LAMA1: variants seen among roughly 807,000 people sequenced by gnomAD.
LAMA1 encodes laminin subunit alpha-1.
A neutral mutation model predicts 348.7 loss-of-function variants in LAMA1; 219 were observed. The ratio of observed to expected loss-of-function variants is 0.63; its 90% CI spans 0.56 to 0.70. The LOEUF is 0.70. Among genes scored for constraint, LAMA1 ranks in the 30% least tolerant of loss-of-function variants. The pLI, the probability that LAMA1 is intolerant of heterozygous loss-of-function variation, is 0.00. For synonymous variants in LAMA1, 1,487 were observed against 1,491.0 expected, an observed-to-expected ratio of 1.00 and a Z score of 0.06; for missense variants, 3,744 against 3,888.0, an observed-to-expected ratio of 0.96 and a Z score of 0.99.
intron 19 of LAMA1, among the ~76,000 whole-genome samples, chr18:7,018,685 G>A (rs902862757): frequency 2.6e-5 from 4 of 152,120 alleles, no homozygotes; most frequent in African/African-American, 7.2e-5. Flanking sequence ...GTGAGCCACC[G>A]CGCCGGGCCC....
chr18:7,032,328 A>G lies in LAMA1; in HGVS notation c.2164-152T>C. 5.8e-6 allele frequency: 4 copies of G among 695,554 alleles called. 1 individual carries two copies. Among genetic ancestry groups the G allele is most frequent in the Non-Finnish European group, 1.1e-5 (4 of 380,504 alleles). The allele number at this position is 695,554 out of a possible 1,614,324, so 43.1% of individuals were successfully genotyped here. On this transcript the variant is annotated intron_variant, in intron 15 of 62. Transcript: ENST00000389658. ...TTCACCCATTTTAAGTGTACAATTC[A>G]ATGACTTTTAGTAAAAACCTTACCG...
rs770043686 is a variant in LAMA1 at position 6,975,935 on chromosome 18, AC to A, written c.6489+1del. The stretch of plus-strand genomic sequence containing the variant: ...GTCGCTTTCCAAAGGTCCATAACTT[AC>A]AGCGGTGCTGCTACCGAGGTAGAAG... On this transcript the variant is annotated splice_donor_variant, in intron 45 of 62. Coordinates refer to ENST00000389658, the MANE Select transcript of LAMA1 (RefSeq NM_005559.4). LOFTEE classifies it high-confidence loss of function. 6.2e-7 allele frequency: 1 copy of A among 1,614,120 alleles called. No homozygotes were observed. The highest frequency in any genetic ancestry group is 8.5e-7 in the Non-Finnish European group (1 of 1,180,022).
At chr18:6,947,748 G>A (rs2057528733) in intron 60 of LAMA1, among the ~76,000 whole-genome samples, 1 of 152,172 alleles carries the variant, frequency 6.6e-6, no homozygotes, top group Admixed American at 6.5e-5. Context: ...TGTTAAAGGT[G>A]GGGATTGAAT....
At chr18:6,973,479 TCC>T (rs1334300051) in intron 46 of LAMA1, among the ~76,000 whole-genome samples, 1 of 152,158 alleles carries the variant, frequency 6.6e-6, no homozygotes, top group Non-Finnish European at 1.5e-5. Context: ...GTAAATATTA[TCC>T]CATTTTGTAA....
Position 7,072,805 on chromosome 18 carries a change from T to A in LAMA1, c.345+7170A>T, listed in dbSNP as rs192970039. On this transcript the variant is annotated intron_variant, in intron 3 of 62. Transcript: ENST00000389658. ...TGCTAAGCACCTGCCAGCCCAGCTT[T>A]GGATGCTGAGGCTGGGACGCTGCAA... 2.6e-3 allele frequency among the ~76,000 whole-genome samples: 400 copies of A among 152,252 alleles called. 2 individuals are homozygous for A. The highest frequency in any genetic ancestry group is 4.2e-3 in the Non-Finnish European group (283 of 68,006).
At chr18:7,061,650 G>A (rs1191492494) in intron 3 of LAMA1, among the ~76,000 whole-genome samples, 2 of 152,186 alleles carry the variant, frequency 1.3e-5, no homozygotes, top group Non-Finnish European at 2.9e-5. Flanking sequence ...GCAATGAATG[G>A]CATCCCTTCC....
At chr18:7,055,055 A>G (rs2058076035) in intron 3 of LAMA1, among the ~76,000 whole-genome samples, 1 of 151,814 alleles carries the variant, frequency 6.6e-6, no homozygotes, top group South Asian at 2.1e-4. Flanking sequence ...TTATTCATGG[A>G]TTTTTTGACT....
intron 46 of LAMA1, among the ~76,000 whole-genome samples, chr18:6,974,616 C>A (rs912949076): frequency 6.6e-6 from 1 of 151,846 alleles, no homozygotes; most frequent in Non-Finnish European, 1.5e-5. Context: ...ACCACCACGC[C>A]CAGCTAATTT....
intron 41 of LAMA1, 50 bp downstream of exon 41, chr18:6,982,447 G>A (rs924950490): frequency 1.4e-6 from 2 of 1,476,144 alleles, no homozygotes; most frequent in African/African-American, 2.8e-5. Flanking sequence ...TGCTCAGCGA[G>A]ACGCTCACGC....
chr18:7,049,157 C>A lies in LAMA1; in HGVS notation c.689G>T (p.Arg230Leu). ...SARYIRLRLQ[R>L]IRTLNADLMT... ...GAGATCTGCATTGAGCGTTCTAATG[C>A]GTTGCAAGCGAAGGCGAATATATCG... The change falls in exon 5 of 63, where the codon CGC (arginine) becomes CTC (leucine). Residue 230 changes from arginine (R) to leucine (L), a missense_variant. Physicochemically the swap from Arg to Leu is moderately radical, Grantham distance 102 (BLOSUM62 -2). This residue lies in a region of LAMA1 where 1,529 missense variants were observed against 1,689.4 expected (regional missense o/e 0.91). Transcript: ENST00000389658. The A allele has an allele frequency of 6.2e-7, 1 of 1,614,030 alleles. No homozygotes were observed. Among genetic ancestry groups the A allele is most frequent in the Non-Finnish European group, 8.5e-7 (1 of 1,179,968 alleles).
At chr18:6,983,466 A>G (rs144806360) in intron 39 of LAMA1, among the ~76,000 whole-genome samples, 25 of 152,248 alleles carry the variant, frequency 1.6e-4, no homozygotes, top group African/African-American at 5.5e-4. Flanking sequence ...TTCAATCAAT[A>G]CCCAAGAAGA....
intron 41 of LAMA1, among the ~76,000 whole-genome samples, chr18:6,980,966 G>A (rs896959572): frequency 5.3e-5 from 8 of 152,128 alleles, no homozygotes; most frequent in African/African-American, 1.7e-4. Flanking sequence ...AGCCAGACGT[G>A]GTGGTGGGCG....
At chr18:7,054,364 A>G (rs2058073270) in intron 3 of LAMA1, among the ~76,000 whole-genome samples, 1 of 151,084 alleles carries the variant, frequency 6.6e-6, no homozygotes, top group South Asian at 2.1e-4. Context: ...CTGAATTGTC[A>G]AGAACGTAGT....
Position 7,111,658 on chromosome 18 carries a change from T to A in LAMA1, c.61+6002A>T, listed in dbSNP as rs190997056. Among the ~76,000 whole-genome samples, 624 of 152,370 alleles carry A rather than the reference T, an allele frequency of 4.1e-3. 3 individuals carry two copies. Among genetic ancestry groups the A allele is most frequent in the African/African-American group, 0.014 (585 of 41,586 alleles). On this transcript the variant is annotated intron_variant, in intron 1 of 62. Coordinates refer to ENST00000389658, the MANE Select transcript of LAMA1 (RefSeq NM_005559.4). ...TCTATGAAGGGTTTTTCCTCCTCGTTAATTTTGCAATGCCTTGGTTTATTC... is the reference window on the plus strand; with the variant it reads ...TCTATGAAGGGTTTTTCCTCCTCGTAAATTTTGCAATGCCTTGGTTTATTC...
chr18:7,085,131 T>A (rs535965109), intron 1 of LAMA1, among the ~76,000 whole-genome samples: 247 of 152,242 alleles, frequency 1.6e-3, no homozygotes, highest in Non-Finnish European at 2.8e-3. Context: ...TTTGCAATTC[T>A]TAGCTACAGG....
In LAMA1 at chr18:6,973,192, A is replaced by G; in HGVS notation, c.6639T>C (p.Gly2213=). 6.2e-7 allele frequency: 1 copy of G among 1,614,204 alleles called. No homozygotes were observed. The highest frequency in any genetic ancestry group is 2.2e-5 in the East Asian group (1 of 44,888). Residue 2213 remains glycine, a synonymous_variant, in exon 47 of 63, where the codon GGT becomes GGC. Coordinates refer to ENST00000389658, the MANE Select transcript of LAMA1 (RefSeq NM_005559.4). ...AGCTCATTTCCTTTACACTCAGTGA[A>G]CCAATGTTTCCAAATCTAAGGGTTA... The part of the protein sequence containing the change: ...SIHVARFGNI[G]SLSVKEMSSN...
At position 7,044,756 on chromosome 18, in the gene LAMA1, C is replaced by T. The variant is rs766418197; in HGVS notation, c.942G>A (p.Arg314=). Reference sequence around the variant, plus strand: ...TATTGCCGGAGGACACGGTTCCCGGCCTCCAGGGCTGCTGATGGTACCCAG... The same window carrying T: ...TATTGCCGGAGGACACGGTTCCCGGTCTCCAGGGCTGCTGATGGTACCCAG... ...CCPGYHQQPW[R]PGTVSSGNTC... Residue 314 remains arginine, a synonymous_variant, in exon 7 of 63, where the codon AGG becomes AGA. Transcript: ENST00000389658. The T allele has an allele frequency of 3.7e-6, 6 of 1,614,194 alleles. No individual in the cohort carries two copies. The highest frequency in any genetic ancestry group is 1.6e-4 in the Middle Eastern group (1 of 6,062).
In LAMA1 at chr18:7,033,003, T is replaced by C; in HGVS notation, c.2144A>G (p.Tyr715Cys). 6.2e-7 allele frequency: 1 copy of C among 1,610,492 alleles called. No individual in the cohort carries two copies. The highest frequency in any genetic ancestry group is 8.5e-7 in the Non-Finnish European group (1 of 1,178,280). Residue 715 changes from tyrosine (Y) to cysteine (C), a missense_variant, in exon 15 of 63, where the codon TAC becomes TGC. By Grantham distance (194) the Tyr-to-Cys change is radical. Transcript: ENST00000389658. Reference protein sequence around the residue: ...DVEHCECPQGYTGTSCESCLS... With the variant: ...DVEHCECPQGCTGTSCESCLS... The stretch of plus-strand genomic sequence containing the variant: ...CGTCACCTCACAGGAGGTCCCTGTG[T>C]AGCCTTGCGGACATTCACAGTGCTC...
intron 48 of LAMA1, among the ~76,000 whole-genome samples, chr18:6,967,584 C>A (rs1185824356): frequency 6.6e-6 from 1 of 152,230 alleles, no homozygotes; most frequent in African/African-American, 2.4e-5. Context: ...TAGAACAGTG[C>A]CTGGCACACA....
Sources: gnomAD v4.1 joint callset for allele counts (sites outside exome capture counted in the v4.1 genomes callset) on GRCh38, gnomAD v4.1.1 for gene constraint, gnomAD v4.1.1 regional missense constraint, MANE v1.5 for transcripts, NCBI Gene and HGNC (gene_info 2026-07-23, HGNC 2026-07-21) for gene names.